Variants in FRK observed in about 807,000 individuals in gnomAD.
FRK encodes fyn related Src family tyrosine kinase.
Under a neutral mutation model 56.4 loss-of-function variants are expected in FRK, and 51 were observed. The observed-to-expected ratio is 0.90, with a 90% CI of 0.72 to 1.14. FRK has a LOEUF of 1.14. Ranked by LOEUF, FRK falls within the 50% of genes most tolerant of loss-of-function variation. The probability of loss-of-function intolerance (pLI) is 0.00; values close to 1 mark genes in which losing one functional copy is unlikely to be tolerated. For synonymous variants in FRK, 245 were observed against 217.9 expected, an observed-to-expected ratio of 1.12 and a Z score of -1.10; for missense variants, 570 against 601.4, an observed-to-expected ratio of 0.95 and a Z score of 0.55.
chr6:116,048,290 C>G (rs1777053618), intron 1 of FRK, among the ~76,000 whole-genome samples: 1 of 152,146 alleles, frequency 6.6e-6, no homozygotes. Context: ...AATGTATTAT[C>G]TTCCTCTCTG....
At chr6:116,067,184 A>G in the FRK span, among the ~76,000 whole-genome samples, 4 of 152,264 alleles carry the variant, frequency 2.6e-5, no homozygotes, top group South Asian at 6.2e-4. Flanking sequence ...CTGCAGGCCA[A>G]GGAATACCAG....
intron 2 of FRK, among the ~76,000 whole-genome samples, chr6:115,976,028 G>A (rs1248724552): frequency 3.3e-5 from 5 of 152,040 alleles, no homozygotes; most frequent in East Asian, 1.9e-4. Context: ...TAACTGGTTC[G>A]GGAGAGGATC....
intron 2 of FRK, among the ~76,000 whole-genome samples, chr6:115,989,804 G>A (rs1774525568): frequency 6.6e-6 from 1 of 151,912 alleles, no homozygotes; most frequent in South Asian, 2.1e-4. Flanking sequence ...TAAATACCCA[G>A]TAGTGGGATT....
In FRK at chr6:115,937,860, TC is replaced by T. The variant is rs1441006830; in HGVS notation, c.*4553del. On this transcript the variant is annotated 3_prime_UTR_variant, in exon 8 of 8. Transcript: ENST00000606080. The stretch of plus-strand genomic sequence containing the variant: ...TAGAGAACTACAAAGAGACTTAGAC[TC>T]CCACACAATAATAGTGGGAAATTTT... The T allele has an allele frequency of 1.3e-5, 2 of 152,088 alleles. No homozygotes were observed. The highest frequency in any genetic ancestry group is 4.8e-5 in the African/African-American group (2 of 41,402). 9.4% of individuals were successfully genotyped at this position (152,088 alleles called of 1,614,324 possible). A position where few individuals can be genotyped will look rare whatever the true frequency, so the allele number is the denominator to read the frequency against.
At chr6:115,958,704 G>GAAAGAAAGAAGAAAGA (rs5879359) in intron 4 of FRK, among the ~76,000 whole-genome samples, 1 of 6,960 alleles carries the variant, frequency 1.4e-4, no homozygotes, top group African/African-American at 4.0e-4. Context: ...AAGAAAGAAA[G>GAAAGAAAGAAGAAAGA]AAGAAAGAAA....
At chr6:115,983,731 C>T (rs1161418636) in intron 2 of FRK, among the ~76,000 whole-genome samples, 1 of 152,128 alleles carries the variant, frequency 6.6e-6, no homozygotes, top group East Asian at 1.9e-4. Flanking sequence ...TGCACTGCCA[C>T]CACCTTGCTG....
chr6:116,070,625 T>A, the FRK span, among the ~76,000 whole-genome samples: 1 of 152,196 alleles, frequency 6.6e-6, no homozygotes, highest in Admixed American at 6.5e-5. Context: ...AAAAAAGTCA[T>A]ATATCCAATC....
intron 4 of FRK, 28 bp downstream of exon 4, chr6:115,967,523 T>G (rs1285501196): frequency 1.2e-6 from 2 of 1,604,216 alleles, no homozygotes; most frequent in Non-Finnish European, 1.7e-6. Context: ...AATCAACATA[T>G]GCCATTTAAC....
the FRK span, among the ~76,000 whole-genome samples, chr6:116,068,931 G>GA: frequency 2.7e-3 from 409 of 152,096 alleles, 2 homozygotes; most frequent in African/African-American, 8.9e-3. Context: ...GTAAGATACT[G>GA]AAAAAAATGA....
At chr6:115,987,839 T>C (rs1257168530) in intron 2 of FRK, among the ~76,000 whole-genome samples, 7 of 152,116 alleles carry the variant, frequency 4.6e-5, no homozygotes, top group Non-Finnish European at 8.8e-5. Context: ...TTCGGGACTA[T>C]ACATACAACA....
At chr6:115,951,581 C>A (rs1772754543) in intron 5 of FRK, among the ~76,000 whole-genome samples, 1 of 152,146 alleles carries the variant, frequency 6.6e-6, no homozygotes, top group African/African-American at 2.4e-5. Context: ...TTTTACAGAT[C>A]TTTCTCATTT....
intron 1 of FRK, among the ~76,000 whole-genome samples, chr6:116,009,817 G>A (rs1386573792): frequency 6.6e-6 from 1 of 152,186 alleles, no homozygotes; most frequent in Admixed American, 6.5e-5. Context: ...GAAAGATTGT[G>A]TTATTTTCTG....
chr6:116,053,907 T>C (rs1777274310), intron 1 of FRK, among the ~76,000 whole-genome samples: 1 of 152,094 alleles, frequency 6.6e-6, no homozygotes, highest in South Asian at 2.1e-4. Context: ...GAGATGCATG[T>C]AATCAAGCTT....
intron 1 of FRK, among the ~76,000 whole-genome samples, chr6:116,043,814 A>T (rs528377090): frequency 6.6e-6 from 1 of 152,184 alleles, no homozygotes; most frequent in African/African-American, 2.4e-5. Context: ...TTTATTGAAA[A>T]GATTAACAAA....
intron 2 of FRK, among the ~76,000 whole-genome samples, chr6:116,001,058 T>C (rs187847157): frequency 2.0e-4 from 30 of 152,096 alleles, no homozygotes; most frequent in African/African-American, 7.0e-4. Flanking sequence ...GCTAACACGG[T>C]GAAACCCCGT....
chr6:115,986,916 T>C (rs1774417667), intron 2 of FRK, among the ~76,000 whole-genome samples: 1 of 152,150 alleles, frequency 6.6e-6, no homozygotes, highest in Non-Finnish European at 1.5e-5. Context: ...ATTTGCCTAA[T>C]TCTTATTTTT....
chr6:115,945,941 A>C (rs1042069382), intron 5 of FRK, among the ~76,000 whole-genome samples: 12 of 152,084 alleles, frequency 7.9e-5, no homozygotes, highest in African/African-American at 2.9e-4. Context: ...TGACTGACTC[A>C]TTTGTATTTG....
Position 115,942,172 on chromosome 6 carries a change from G to T in FRK, c.*242C>A, listed in dbSNP as rs1772211386. 5.0e-6 allele frequency: 2 copies of T among 396,078 alleles called. No individual in the cohort carries two copies. Among genetic ancestry groups the T allele is most frequent in the East Asian group, 5.2e-5 (1 of 19,146 alleles). 24.5% of individuals were successfully genotyped at this position (396,078 alleles called of 1,614,324 possible). A position where few individuals can be genotyped will look rare whatever the true frequency, so the allele number is the denominator to read the frequency against. On this transcript the variant is annotated 3_prime_UTR_variant, in exon 8 of 8. Transcript: ENST00000606080. ...TATCTCTTAAAAAGAAAAATAACTT[G>T]GTTTAGTGTGCTTAATTTTACCAGG...
At chr6:116,009,755 TTATGTAAATTATCAAGTGTCTACCG>T (rs1385113687) in intron 1 of FRK, among the ~76,000 whole-genome samples, 2 of 152,206 alleles carry the variant, frequency 1.3e-5, no homozygotes, top group Admixed American at 6.5e-5. Context: ...AAGTCTATAA[TTATGTAAATTATCAAGTGTCTACCG>T]TATGTAAATT....
Sources: gnomAD v4.1 joint callset for allele counts (sites outside exome capture counted in the v4.1 genomes callset) on GRCh38, gnomAD v4.1.1 for gene constraint, MANE v1.5 for transcripts, NCBI Gene and HGNC (gene_info 2026-07-23, HGNC 2026-07-21) for gene names.